The following PTPRS variants were observed in gnomAD, a reference collection of about 807,000 sequenced individuals.
PTPRS encodes protein tyrosine phosphatase receptor type S, also known as receptor-type tyrosine-protein phosphatase S.
In PTPRS, 63 loss-of-function variants were observed where a neutral mutation model predicts 215.3. The observed-to-expected ratio is 0.29, with a 90% CI of 0.24 to 0.36. The LOEUF is 0.36. Among genes scored for constraint, PTPRS ranks in the 10% least tolerant of loss-of-function variants. The pLI, the probability that PTPRS is intolerant of heterozygous loss-of-function variation, is 1.00. For synonymous variants in PTPRS, 1,404 were observed against 1,191.4 expected, an observed-to-expected ratio of 1.18 and a Z score of -3.68; for missense variants, 2,258 against 2,825.8, an observed-to-expected ratio of 0.80 and a Z score of 4.56.
At chr19:5,217,053 T>C (rs569144103) in intron 25 of PTPRS, among the ~76,000 whole-genome samples, 1 of 152,350 alleles carries the variant, frequency 6.6e-6, no homozygotes, top group South Asian at 2.1e-4. Context: ...CAGACCAGCC[T>C]GGCCTTGGGT....
chr19:5,266,192 G>A (rs2046383804), intron 4 of PTPRS, among the ~76,000 whole-genome samples: 1 of 152,088 alleles, frequency 6.6e-6, no homozygotes, highest in African/African-American at 2.4e-5. Flanking sequence ...CCGGGAGACG[G>A]AGGTTGTGGT....
rs1039516671 is a variant in PTPRS, at chr19:5,338,659, G to A, written c.-95+2005C>T. ...ATCAGCTGGCAAAGAAAGAAGAGCA[G>A]AGGGACAGAAGGCAGGCGCGATTGG... is the stretch of plus-strand genomic sequence containing the variant. On this transcript the variant is annotated intron_variant, in intron 1 of 37. Transcript: ENST00000262963. This position sits in a 1 kb window ranked among gnomAD's most constrained non-coding sequence, Gnocchi z 4.2. Among the ~76,000 whole-genome samples the A allele has an allele frequency of 6.6e-6, 1 of 151,908 alleles. No individual in the cohort carries two copies.
In PTPRS at chr19:5,295,301, G is replaced by A. The variant is rs2049102728; in HGVS notation, c.-94-9067C>T. Among the ~76,000 whole-genome samples, 1 of 152,216 alleles carries A rather than the reference G, an allele frequency of 6.6e-6. No individual in the cohort carries two copies. The highest frequency in any genetic ancestry group is 2.4e-5 in the African/African-American group (1 of 41,460). ...TGGCTCTGGGCTGCCCAGGACTCGG[G>A]ACGGCAGACAAGGGCTTGCCAGCCG... On this transcript the variant is annotated intron_variant, in intron 1 of 37. Transcript: ENST00000262963. This position sits in a 1 kb window ranked among gnomAD's most constrained non-coding sequence, Gnocchi z 4.6.
chr19:5,229,387 CG>C (rs774166296), intron 15 of PTPRS, 45 bp from the exon 16 acceptor site: 11 of 1,362,890 alleles, frequency 8.1e-6, no homozygotes, highest in Non-Finnish European at 9.5e-6. Flanking sequence ...GGAAGGTGAG[CG>C]GGGGAGGCCA....
At chr19:5,311,208 C>A (rs1210483405) in intron 1 of PTPRS, among the ~76,000 whole-genome samples, 9 of 152,134 alleles carry the variant, frequency 5.9e-5, no homozygotes. Context: ...TGAGATTTCA[C>A]CATGTTGGCC....
intron 9 of PTPRS, among the ~76,000 whole-genome samples, chr19:5,249,134 A>G (rs892776308): frequency 1.3e-5 from 2 of 152,156 alleles, no homozygotes; most frequent in African/African-American, 4.8e-5. Flanking sequence ...AACATGGCAA[A>G]ATCCCATCTC....
At chr19:5,280,693 C>G (rs2047771567) in intron 2 of PTPRS, among the ~76,000 whole-genome samples, 1 of 152,096 alleles carries the variant, frequency 6.6e-6, no homozygotes, top group Non-Finnish European at 1.5e-5. Context: ...TGCATTCCAG[C>G]CTGGGTGACA....
chr19:5,210,956 C>A lies in PTPRS; in HGVS notation c.5235-151G>T. The A allele has an allele frequency of 9.3e-7, 1 of 1,072,678 alleles. No homozygotes were observed. The highest frequency in any genetic ancestry group is 1.3e-6 in the Non-Finnish European group (1 of 766,918). 66.4% of individuals were successfully genotyped at this position (1,072,678 alleles called of 1,614,324 possible). ...GGAATGGCTGCTGGGTGCACCACTT[C>A]CCCTCCTGGTGATCCCATTTTGCAT... On this transcript the variant is annotated intron_variant, in intron 33 of 37. Transcript: ENST00000262963. This position sits in a 1 kb window ranked among gnomAD's most constrained non-coding sequence, Gnocchi z 4.5.
rs921174054 is a variant in PTPRS, at chr19:5,257,782, G to A, written c.706+235C>T. ...TGCCTCCCCAGAGCCTGCTGCCCAC[G>A]GGGCATCTCTCGCAAGGCACGAGGA... On this transcript the variant is annotated intron_variant, in intron 8 of 37. Transcript: ENST00000262963. The surrounding 1 kb of genome is among the most constrained non-coding windows in gnomAD (Gnocchi z 4.4). 6.6e-6 allele frequency among the ~76,000 whole-genome samples: 1 copy of A among 152,172 alleles called. No individual in the cohort carries two copies. The highest frequency in any genetic ancestry group is 2.4e-5 in the African/African-American group (1 of 41,430).
chr19:5,233,058 A>G (rs890753161), intron 13 of PTPRS, among the ~76,000 whole-genome samples: 1 of 151,870 alleles, frequency 6.6e-6, no homozygotes, highest in African/African-American at 2.4e-5. Context: ...AGCTCCAATT[A>G]TTGGGTACCT....
At position 5,257,368 on chromosome 19, in the gene PTPRS, G is replaced by A. The variant is rs577391933; in HGVS notation, c.706+649C>T. ...CCTGCCCCAGCTCGGTGCAACTACC[G>A]AGCCCCCCGGGTGCCTGTGCCCGCT... On this transcript the variant is annotated intron_variant, in intron 8 of 37. Coordinates refer to ENST00000262963, the MANE Select transcript of PTPRS (RefSeq NM_002850.4). The surrounding 1 kb of genome is among the most constrained non-coding windows in gnomAD (Gnocchi z 4.4). 120 of 453,014 alleles carry A rather than the reference G, an allele frequency of 2.6e-4. No individual in the cohort carries two copies. Among genetic ancestry groups the A allele is most frequent in the Middle Eastern group, 9.8e-4 (3 of 3,062 alleles). The allele number at this position is 453,014 out of a possible 1,614,324, so 28.1% of individuals were successfully genotyped here.
At chr19:5,240,622 G>A (rs1253110079) in intron 11 of PTPRS, among the ~76,000 whole-genome samples, 5 of 151,864 alleles carry the variant, frequency 3.3e-5, no homozygotes, top group Admixed American at 6.6e-5. Flanking sequence ...GGCAGATCAC[G>A]AGATCAGGAG....
intron 4 of PTPRS, among the ~76,000 whole-genome samples, chr19:5,265,529 A>T (rs760992678): frequency 3.9e-5 from 6 of 151,978 alleles, no homozygotes; most frequent in Non-Finnish European, 7.4e-5. Flanking sequence ...TTTTGTAGAG[A>T]GGGGGTCTCG....
intron 1 of PTPRS, among the ~76,000 whole-genome samples, chr19:5,332,801 T>C (rs1462636822): frequency 6.6e-6 from 1 of 152,254 alleles, no homozygotes; most frequent in Non-Finnish European, 1.5e-5. Context: ...CTGTTGATCC[T>C]GATGTTGGCA....
intron 1 of PTPRS, among the ~76,000 whole-genome samples, chr19:5,308,709 T>C (rs1205703441): frequency 6.6e-6 from 1 of 152,060 alleles, no homozygotes; most frequent in African/African-American, 2.4e-5. Context: ...AGGGGAACTG[T>C]GGGCTCCAGG....
intron 1 of PTPRS, among the ~76,000 whole-genome samples, chr19:5,304,148 C>G (rs558936876): frequency 6.6e-6 from 1 of 152,020 alleles, no homozygotes; most frequent in Non-Finnish European, 1.5e-5. Flanking sequence ...CTGTGGGAGG[C>G]AGACAGGGGG....
intron 30 of PTPRS, among the ~76,000 whole-genome samples, chr19:5,214,012 G>C (rs1266511505): frequency 6.6e-6 from 1 of 152,222 alleles, no homozygotes; most frequent in Non-Finnish European, 1.5e-5. Flanking sequence ...AGGCAGGGCT[G>C]GGGCCCTGCT....
intron 1 of PTPRS, among the ~76,000 whole-genome samples, chr19:5,317,079 G>A (rs1038030146): frequency 6.6e-6 from 1 of 152,208 alleles, no homozygotes; most frequent in African/African-American, 2.4e-5. Context: ...TTTGAGGGCT[G>A]GAGTGGCCAT....
Position 5,206,409 on chromosome 19 carries a change from G to T in PTPRS, c.*365C>A, listed in dbSNP as rs183275062. ...GAGCCCCCCGGGTCCCCCTACCACC[G>T]CTGGGGGAGGACGAGGGGTCCGTCT... On this transcript the variant is annotated 3_prime_UTR_variant, in exon 38 of 38. Transcript: ENST00000262963. 3.7e-6 allele frequency: 1 copy of T among 268,846 alleles called. No individual in the cohort carries two copies. Among genetic ancestry groups the T allele is most frequent in the Non-Finnish European group, 7.1e-6 (1 of 141,164 alleles). The allele number at this position is 268,846 out of a possible 1,614,324, so 16.7% of individuals were successfully genotyped here. A position where few individuals can be genotyped will look rare whatever the true frequency, so the allele number is the denominator to read the frequency against.
Sources: allele counts gnomAD v4.1 joint callset (sites outside exome capture counted in the v4.1 genomes callset), GRCh38; gene constraint gnomAD v4.1.1; non-coding constraint Gnocchi (gnomAD v3.1); transcripts MANE v1.5; gene names NCBI Gene and HGNC (gene_info 2026-07-23, HGNC 2026-07-21).